The following CCDC85A variants were observed in gnomAD, a reference collection of about 807,000 sequenced individuals.
The protein encoded by CCDC85A is coiled-coil domain-containing protein 85A.
CCDC85A carries 38 observed loss-of-function variants against 50.2 expected under a neutral mutation model. That is an observed-to-expected ratio of 0.76 (90% CI 0.58 to 0.99). The LOEUF (loss-of-function observed/expected upper bound fraction) is 0.99. CCDC85A is among the 50% of genes least tolerant of loss of function. The probability of loss-of-function intolerance (pLI) is 0.00; values close to 1 mark genes in which losing one functional copy is unlikely to be tolerated. For synonymous variants in CCDC85A, 366 were observed against 301.4 expected, an observed-to-expected ratio of 1.21 and a Z score of -2.22; for missense variants, 820 against 742.0, an observed-to-expected ratio of 1.11 and a Z score of -1.22.
intron 2 of CCDC85A, among the ~76,000 whole-genome samples, chr2:56,289,416 C>G (rs1671598759): frequency 6.6e-6 from 1 of 152,078 alleles, no homozygotes; most frequent in Admixed American, 6.6e-5. Flanking sequence ...TGAAGAGGAG[C>G]TCATGAAAGG....
intron 2 of CCDC85A, among the ~76,000 whole-genome samples, chr2:56,325,289 T>A (rs1310256232): frequency 6.6e-6 from 1 of 152,112 alleles, no homozygotes; most frequent in South Asian, 2.1e-4. Context: ...GAAACCATCA[T>A]TTGAAGATAA....
chr2:56,236,394 CA>C (rs1669018023), intron 2 of CCDC85A, among the ~76,000 whole-genome samples: 1 of 152,114 alleles, frequency 6.6e-6, no homozygotes, highest in African/African-American at 2.4e-5. Context: ...GGACAGATGA[CA>C]AGGCATGATC....
At chr2:56,372,577 C>A in intron 4 of CCDC85A, 99 bp downstream of exon 4, 1 of 1,277,608 alleles carries the variant, frequency 7.8e-7, no homozygotes, top group Non-Finnish European at 1.0e-6. Flanking sequence ...AAAACAAGTT[C>A]ATACACATGA....
chr2:56,216,832 C>A lies in CCDC85A; in HGVS notation c.1240+23392C>A, dbSNP rs72917088. ...AGAACTATTTGCCTGAAATTTTTTC[C>A]TGTTTCATTGTGTTTTTCTTTTTGC... On this transcript the variant is annotated intron_variant, in intron 2 of 5. Transcript: ENST00000407595. Among the ~76,000 whole-genome samples the A allele has an allele frequency of 1.6e-3, 236 of 150,466 alleles. 1 individual carries two copies. The highest frequency in any genetic ancestry group is 5.5e-3 in the African/African-American group (225 of 41,010).
intron 3 of CCDC85A, among the ~76,000 whole-genome samples, chr2:56,347,057 G>T (rs1465167050): frequency 6.6e-6 from 1 of 152,186 alleles, no homozygotes; most frequent in Non-Finnish European, 1.5e-5. Flanking sequence ...TAATGACATA[G>T]TAGGGTGTAA....
At chr2:56,306,820 TC>T (rs1672468049) in intron 2 of CCDC85A, among the ~76,000 whole-genome samples, 1 of 152,156 alleles carries the variant, frequency 6.6e-6, no homozygotes, top group African/African-American at 2.4e-5. Flanking sequence ...CAGTGCCTTA[TC>T]CTGTCAGACG....
intron 2 of CCDC85A, among the ~76,000 whole-genome samples, chr2:56,290,444 T>C (rs936175533): frequency 1.3e-5 from 2 of 152,200 alleles, no homozygotes. Context: ...ATATGCCTGA[T>C]TCTGTGCCCC....
intron 2 of CCDC85A, among the ~76,000 whole-genome samples, chr2:56,236,775 C>T (rs1669033752): frequency 6.6e-6 from 1 of 152,108 alleles, no homozygotes; most frequent in East Asian, 1.9e-4. Context: ...ATGGCTTCTT[C>T]ATCATTTTGG....
intron 2 of CCDC85A, among the ~76,000 whole-genome samples, chr2:56,219,553 A>G (rs747405370): frequency 6.6e-6 from 1 of 151,630 alleles, no homozygotes; most frequent in Non-Finnish European, 1.5e-5. Flanking sequence ...CAACTATTCA[A>G]TATATTATGT....
chr2:56,277,660 C>T (rs548398064), intron 2 of CCDC85A, among the ~76,000 whole-genome samples: 8 of 152,238 alleles, frequency 5.3e-5, no homozygotes, highest in African/African-American at 9.6e-5. Flanking sequence ...TTATTCCTTC[C>T]TCTAACATTT....
chr2:56,242,214 T>A (rs1310986180), intron 2 of CCDC85A, among the ~76,000 whole-genome samples: 2 of 152,210 alleles, frequency 1.3e-5, no homozygotes, highest in African/African-American at 4.8e-5. Context: ...GAGCTCCTTA[T>A]ATAGTCTTGT....
At chr2:56,250,701 GAAAA>G (rs1667034692) in intron 2 of CCDC85A, among the ~76,000 whole-genome samples, 2 of 152,066 alleles carry the variant, frequency 1.3e-5, no homozygotes, top group Admixed American at 1.3e-4. Flanking sequence ...TGTGCTTCTT[GAAAA>G]AATATCAAAC....
chr2:56,379,639 C>A, intron 5 of CCDC85A: 1 of 164,886 alleles, frequency 6.1e-6, no homozygotes, highest in Non-Finnish European at 1.3e-5. Flanking sequence ...CTCTGATATG[C>A]AGACATGGAG....
At chr2:56,261,497 T>C (rs1233954053) in intron 2 of CCDC85A, among the ~76,000 whole-genome samples, 1 of 152,222 alleles carries the variant, frequency 6.6e-6, no homozygotes, top group Non-Finnish European at 1.5e-5. Context: ...ACCCTGGTAG[T>C]ATCACTTTGG....
intron 2 of CCDC85A, among the ~76,000 whole-genome samples, chr2:56,327,595 G>A (rs910109386): frequency 6.6e-6 from 1 of 152,086 alleles, no homozygotes; most frequent in African/African-American, 2.4e-5. Context: ...TGATATCCCA[G>A]CCTACGGTGT....
chr2:56,197,947 C>T (rs1028040350), intron 2 of CCDC85A, among the ~76,000 whole-genome samples: 6 of 151,914 alleles, frequency 3.9e-5, no homozygotes, highest in African/African-American at 9.7e-5. Flanking sequence ...AACCTATTTA[C>T]GGCGGATGTC....
chr2:56,253,338 G>A (rs1285250501), intron 2 of CCDC85A, among the ~76,000 whole-genome samples: 1 of 152,220 alleles, frequency 6.6e-6, no homozygotes, highest in Non-Finnish European at 1.5e-5. Context: ...TGAAGAATGA[G>A]TAGGACAGGA....
At chr2:56,183,860 C>G (rs79417936), upstream of CCDC85A, 68 of 985,204 alleles carry the variant, frequency 6.9e-5, no homozygotes, top group East Asian at 5.3e-3. Flanking sequence ...GCAGGACAGC[C>G]GGGAGCGCAC....
chr2:56,258,660 G>A (rs1670089977), intron 2 of CCDC85A, among the ~76,000 whole-genome samples: 1 of 152,214 alleles, frequency 6.6e-6, no homozygotes, highest in South Asian at 2.1e-4. Context: ...GATAAAGTTT[G>A]CAGACAAAAT....
Sources: gnomAD v4.1 joint callset for allele counts (sites outside exome capture counted in the v4.1 genomes callset) on GRCh38, gnomAD v4.1.1 for gene constraint, MANE v1.5 for transcripts, NCBI Gene and HGNC (gene_info 2026-07-23, HGNC 2026-07-21) for gene names.